Variants in EGF observed in about 807,000 individuals in gnomAD.
The protein encoded by EGF is pro-epidermal growth factor.
EGF carries 95 observed loss-of-function variants against 143.8 expected under a neutral mutation model. That is an observed-to-expected ratio of 0.66 (90% confidence interval 0.56 to 0.78). The LOEUF (loss-of-function observed/expected upper bound fraction) is 0.78, where lower values mean the gene tolerates loss of function less well. Among genes scored for constraint, EGF ranks in the 30% least tolerant of loss-of-function variants. The pLI, the probability that EGF is intolerant of heterozygous loss-of-function variation, is 0.00. For missense variants in EGF, 1,320 were observed against 1,470.9 expected (o/e 0.90, Z 1.68); for synonymous variants, 510 against 510.5 (o/e 1.00, Z 0.01).
Position 109,943,344 on chromosome 4 carries a change from A to C in EGF, c.418A>C (p.Ile140Leu). 6.2e-7 allele frequency: 1 copy of C among 1,613,030 alleles called. No individual in the cohort carries two copies. The change falls in exon 3 of 24, where the codon ATT becomes CTT. Residue 140 changes from isoleucine to leucine, a missense_variant. This residue lies in a region of EGF where 1,186 missense variants were observed against 1,313.7 expected (regional missense o/e 0.90). Transcript: ENST00000265171. ...VIWSNQQEGI[I>L]TVTDMKGNNS... ...TTGGTCAAATCAACAGGAAGGAATC[A>C]TTACAGTAACAGATATGAAAGGAAA...
At chr4:109,957,418 T>C (rs745914317) in intron 5 of EGF, among the ~76,000 whole-genome samples, 1 of 152,214 alleles carries the variant, frequency 6.6e-6, no homozygotes, top group Non-Finnish European at 1.5e-5. Context: ...CCACTATATA[T>C]ATCATGCTCA....
chr4:109,980,697 C>T (rs1749219450), intron 14 of EGF, 129 bp from the exon 15 acceptor site: 2 of 1,006,542 alleles, frequency 2.0e-6, no homozygotes, highest in South Asian at 1.3e-5. Context: ...TTGATATACC[C>T]TCTATTTAGA....
chr4:110,008,372 G>C (rs758048969), intron 23 of EGF, 142 bp downstream of exon 23: 22 of 1,049,448 alleles, frequency 2.1e-5, no homozygotes, highest in Non-Finnish European at 2.9e-5. Flanking sequence ...TAGCTGGGCT[G>C]TATTGAAATG....
Position 109,943,321 on chromosome 4 carries a change from G to A in EGF, c.395G>A (p.Trp132Ter), listed in dbSNP as rs1742240833. 6.2e-7 allele frequency: 1 copy of A among 1,610,960 alleles called. No individual in the cohort carries two copies. Among genetic ancestry groups the A allele is most frequent in the Non-Finnish European group, 8.5e-7 (1 of 1,178,264 alleles). Residue 132 changes from tryptophan (W) to a stop codon, truncating the protein, a stop_gained, in exon 3 of 24, where the codon TGG becomes TAG. Transcript: ENST00000265171. LOFTEE classifies it high-confidence loss of function. Reference protein sequence around the residue: ...AINWINEEVIWSNQQEGIITV... With the variant: ...AINWINEEVI The stretch of plus-strand genomic sequence containing the variant: ...AATTGGATAAATGAAGAAGTTATTT[G>A]GTCAAATCAACAGGAAGGAATCATT...
intron 22 of EGF, among the ~76,000 whole-genome samples, chr4:110,005,270 T>G (rs1318030114): frequency 6.6e-6 from 1 of 152,006 alleles, no homozygotes; most frequent in East Asian, 1.9e-4. Flanking sequence ...GGTCTCAAAC[T>G]CTTGGGCTCA....
chr4:109,930,131 G>T (rs923605764), intron 1 of EGF, among the ~76,000 whole-genome samples: 3 of 152,110 alleles, frequency 2.0e-5, no homozygotes, highest in African/African-American at 7.2e-5. Flanking sequence ...TTTTCCTGAG[G>T]CCTCACCAGC....
At chr4:109,930,067 T>G (rs1481995069) in intron 1 of EGF, among the ~76,000 whole-genome samples, 1 of 152,214 alleles carries the variant, frequency 6.6e-6, no homozygotes. Context: ...TTCTCGCTCC[T>G]GCCGCATGTG....
intron 23 of EGF, among the ~76,000 whole-genome samples, chr4:110,008,718 G>A (rs558852867): frequency 5.3e-4 from 80 of 152,326 alleles, no homozygotes; most frequent in Non-Finnish European, 6.6e-4. Context: ...ACCTTAGCCA[G>A]ACGCCTGGCT....
intron 12 of EGF, 86 bp downstream of exon 12, chr4:109,974,893 C>G (rs1039168076): frequency 2.6e-5 from 26 of 991,498 alleles, no homozygotes; most frequent in Non-Finnish European, 4.0e-5. Context: ...AACCAGAAAC[C>G]AAGAAAATCC....
intron 20 of EGF, among the ~76,000 whole-genome samples, chr4:109,997,701 G>A (rs1560759843): frequency 6.6e-6 from 1 of 151,984 alleles, no homozygotes; most frequent in Non-Finnish European, 1.5e-5. Flanking sequence ...CCGCCCGCCT[G>A]GGCCTCCCAA....
At chr4:109,944,661 C>T (rs554353231) in intron 4 of EGF, among the ~76,000 whole-genome samples, 4 of 152,276 alleles carry the variant, frequency 2.6e-5, no homozygotes, top group Non-Finnish European at 5.9e-5. Context: ...CATAATTATT[C>T]TTTTTGGAAT....
At chr4:109,931,175 C>T (rs1036560553) in intron 1 of EGF, among the ~76,000 whole-genome samples, 1 of 152,194 alleles carries the variant, frequency 6.6e-6, no homozygotes, top group African/African-American at 2.4e-5. Context: ...TTATCATTTC[C>T]ATTGGTAGAA....
chr4:109,990,900 A>T (rs1272462462), intron 18 of EGF, among the ~76,000 whole-genome samples: 3 of 152,190 alleles, frequency 2.0e-5, no homozygotes, highest in Admixed American at 6.5e-5. Context: ...TTATGACCCC[A>T]TGTAACCTTA....
At chr4:109,981,976 G>A (rs1945978966) in intron 15 of EGF, among the ~76,000 whole-genome samples, 1 of 151,880 alleles carries the variant, frequency 6.6e-6, no homozygotes, top group South Asian at 2.1e-4. Flanking sequence ...TGTTGCTCAG[G>A]CTGGAGTACA....
intron 5 of EGF, among the ~76,000 whole-genome samples, chr4:109,950,383 C>G (rs1460694383): frequency 6.6e-6 from 1 of 152,152 alleles, no homozygotes; most frequent in South Asian, 2.1e-4. Flanking sequence ...CCCAACAATT[C>G]TACTCCTTAT....
chr4:109,976,321 AC>A, intron 13 of EGF, 86 bp downstream of exon 13: 2 of 1,161,648 alleles, frequency 1.7e-6, no homozygotes, highest in Non-Finnish European at 2.5e-6. Context: ...ACACACACAT[AC>A]CACTTAGCCG....
At chr4:109,993,391 A>G in intron 19 of EGF, 22 bp downstream of exon 19, 1 of 1,612,610 alleles carries the variant, frequency 6.2e-7, no homozygotes, top group Non-Finnish European at 8.5e-7. Context: ...GGTGGTCTAC[A>G]GTGAAGGGGA....
In EGF at chr4:109,961,945, T is replaced by C. The variant is rs1243113137; in HGVS notation, c.1272T>C (p.Pro424=). Residue 424 remains proline, a synonymous_variant, in exon 8 of 24, where the codon CCT becomes CCC. Coordinates refer to ENST00000265171, the MANE Select transcript of EGF (RefSeq NM_001963.6). ...LTSEGPLCFC[P]EGSVLERDGK... is the part of the protein sequence containing the mutation. ...CAGAAGGTCCCTTATGTTTCTGTCC[T>C]GAAGGCTCAGTGCTTGAGAGAGATG... 1.2e-6 allele frequency: 2 copies of C among 1,613,938 alleles called. No homozygotes were observed. The highest frequency in any genetic ancestry group is 1.7e-5 in the Admixed American group (1 of 60,006).
intron 13 of EGF, among the ~76,000 whole-genome samples, chr4:109,978,586 A>G (rs1034641938): frequency 1.3e-5 from 2 of 152,168 alleles, no homozygotes; most frequent in African/African-American, 4.8e-5. Context: ...GGGATGTGGG[A>G]GAGGAAATGA....
Sources: gnomAD v4.1 joint callset for allele counts (sites outside exome capture counted in the v4.1 genomes callset) on GRCh38, gnomAD v4.1.1 for gene constraint, gnomAD v4.1.1 regional missense constraint, MANE v1.5 for transcripts, NCBI Gene and HGNC (gene_info 2026-07-23, HGNC 2026-07-21) for gene names.